The following CBX3 variants were observed in gnomAD, a reference collection of about 807,000 sequenced individuals.
The protein encoded by CBX3 is chromobox protein homolog 3.
CBX3 carries 5 observed loss-of-function variants against 22.6 expected under a neutral mutation model. The observed-to-expected ratio is 0.22, with a 90% CI of 0.12 to 0.47. CBX3 has a LOEUF of 0.47. Ranked by LOEUF, CBX3 falls within the 20% of genes least tolerant of loss-of-function variation. The probability of loss-of-function intolerance (pLI) is 0.99; values close to 1 mark genes in which losing one functional copy is unlikely to be tolerated. For missense variants in CBX3, 83 were observed against 208.1 expected, an observed-to-expected ratio of 0.40 and a Z score of 3.70; for synonymous variants, 50 against 66.6, an observed-to-expected ratio of 0.75 and a Z score of 1.21.
intron 2 of CBX3, chr7:26,205,997 G>A (rs1188031655): frequency 1.8e-5 from 3 of 169,132 alleles, no homozygotes; most frequent in African/African-American, 4.8e-5. Flanking sequence ...GCTGAGGCAT[G>A]AGAACTGCTT....
intron 1 of CBX3, 49 bp from the exon 2 acceptor site, chr7:26,202,922 C>A (rs1322789113): frequency 1.7e-6 from 2 of 1,170,348 alleles, no homozygotes; most frequent in African/African-American, 1.5e-5. Context: ...TATTTAGTTA[C>A]CTTTTTTGTG....
chr7:26,205,322 T>C (rs1171464549), intron 2 of CBX3, among the ~76,000 whole-genome samples: 1 of 152,224 alleles, frequency 6.6e-6, no homozygotes, highest in African/African-American at 2.4e-5. Flanking sequence ...TTAAAGTGAA[T>C]TTGGTTACCA....
intron 1 of CBX3, 153 bp downstream of exon 1, chr7:26,201,979 G>A (rs1784485303): frequency 6.6e-6 from 1 of 151,844 alleles, no homozygotes; most frequent in Non-Finnish European, 1.5e-5. Flanking sequence ...GTCGGGCGGT[G>A]GCCTCGCGGC....
intron 1 of CBX3, 173 bp downstream of exon 1, chr7:26,201,999 G>C (rs1018970963): frequency 6.6e-6 from 1 of 152,074 alleles, no homozygotes; most frequent in Non-Finnish European, 1.5e-5. Flanking sequence ...CTGGCCTGGC[G>C]CGCGGCCAGC....
In CBX3 at chr7:26,202,958, T is replaced by C. The variant is rs142537315; in HGVS notation, c.-28-13T>C. ...TCATGCAAACTTACCTTAACTGTCATGCATTTTTCTAGTAATAGCTCTTCA... is the reference window on the plus strand; with the variant it reads ...TCATGCAAACTTACCTTAACTGTCACGCATTTTTCTAGTAATAGCTCTTCA... On this transcript the variant is annotated splice_polypyrimidine_tract_variant and intron_variant, in intron 1 of 5. Transcript: ENST00000396386. The C allele has an allele frequency of 7.7e-5, 118 of 1,541,306 alleles. No homozygotes were observed. In the East Asian group the frequency reaches 2.6e-3, roughly 35 times the overall value.
Position 26,211,695 on chromosome 7 carries a change from G to C in CBX3, c.364G>C (p.Asp122His). The C allele has an allele frequency of 6.2e-7, 1 of 1,611,190 alleles. No individual in the cohort carries two copies. Among genetic ancestry groups the C allele is most frequent in the Non-Finnish European group, 8.5e-7 (1 of 1,178,780 alleles). ...ACCAAGAGGATTTGCCAGAGGTCTT[G>C]ATCCTGAAAGAATAATTGGTGCCAC... Reference protein sequence around the residue: ...DKPRGFARGLDPERIIGATDS... With the variant: ...DKPRGFARGLHPERIIGATDS... Residue 122 changes from aspartate (D) to histidine (H), a missense_variant, in exon 5 of 6, where the codon GAT becomes CAT. By Grantham distance (81) the Asp-to-His change is moderately conservative (BLOSUM62 -1). Around this residue, in one of 3 missense-constraint regions of CBX3, gnomAD observed 59 missense variants for 155.0 expected, o/e 0.38. Coordinates refer to ENST00000396386, the MANE Select transcript of CBX3 (RefSeq NM_016587.4).
intron 1 of CBX3, chr7:26,202,228 G>T (rs1463675333): frequency 1.3e-5 from 2 of 152,070 alleles, no homozygotes; most frequent in African/African-American, 4.8e-5. Context: ...GGCGGCGCGC[G>T]GCCGGCTGTC....
rs188703145 is a variant in CBX3, at chr7:26,202,584, G to A, written c.-28-387G>A. The A allele has an allele frequency of 1.2e-3, 216 of 182,710 alleles. 1 individual carries two copies. The highest frequency in any genetic ancestry group is 5.0e-3 in the African/African-American group (211 of 42,154). 11.3% of individuals were successfully genotyped at this position (182,710 alleles called of 1,614,324 possible). A position where few individuals can be genotyped will look rare whatever the true frequency, so the allele number is the denominator to read the frequency against. ...GAAACCAAGTTGGGATTGCAGAACA[G>A]AGAAGATTCACAGTGCTTTACCGTT... On this transcript the variant is annotated intron_variant, in intron 1 of 5. Coordinates refer to ENST00000396386, the MANE Select transcript of CBX3 (RefSeq NM_016587.4).
intron 5 of CBX3, 41 bp downstream of exon 5, chr7:26,211,797 CT>C (rs759293919): frequency 0.049 from 51,366 of 1,039,160 alleles, no homozygotes; most frequent in South Asian, 0.071. Flanking sequence ...GTAAGAGTAG[CT>C]TTTTTTTTTT....
At chr7:26,210,300 A>G (rs1340246655) in intron 4 of CBX3, 2 of 152,262 alleles carry the variant, frequency 1.3e-5, no homozygotes, top group Non-Finnish European at 2.9e-5. Flanking sequence ...TCAAAAAATT[A>G]TTAAATAATA....
At chr7:26,208,601 T>A (rs377228409) in intron 4 of CBX3, 46 bp downstream of exon 4, 9 of 1,505,448 alleles carry the variant, frequency 6.0e-6, no homozygotes, top group Non-Finnish European at 8.2e-6. Context: ...TGTAAAAGGT[T>A]GATGGCTTGA....
chr7:26,203,182 T>C (rs1323468329), intron 2 of CBX3, among the ~76,000 whole-genome samples, 160 bp downstream of exon 2: 2 of 152,180 alleles, frequency 1.3e-5, no homozygotes, highest in Non-Finnish European at 2.9e-5. Context: ...ACGAATTCAT[T>C]ACAGGGAGAT....
intron 2 of CBX3, 72 bp downstream of exon 2, chr7:26,203,094 T>A: frequency 2.2e-6 from 2 of 927,260 alleles, no homozygotes; most frequent in Admixed American, 4.9e-5. Context: ...TAACTTTGCA[T>A]CTCTGTGGCT....
intron 3 of CBX3, among the ~76,000 whole-genome samples, chr7:26,207,357 G>A (rs1358256738): frequency 1.3e-5 from 2 of 152,058 alleles, no homozygotes; most frequent in African/African-American, 2.4e-5. Context: ...AGTATGTGTC[G>A]TAAGTCCCTT....
intron 5 of CBX3, 25 bp from the exon 6 acceptor site, chr7:26,212,057 T>A (rs1784811509): frequency 1.4e-6 from 2 of 1,467,070 alleles, no homozygotes; most frequent in South Asian, 2.9e-5. Context: ...GACTTGTAAC[T>A]GAATTTTTCT....
At chr7:26,202,875 G>T (rs758938908) in intron 1 of CBX3, 96 bp from the exon 2 acceptor site, 3 of 739,872 alleles carry the variant, frequency 4.1e-6, no homozygotes, top group East Asian at 5.7e-5. Context: ...TGAAATGTGC[G>T]CTCTCTACTT....
intron 1 of CBX3, chr7:26,202,768 A>G: frequency 3.7e-6 from 2 of 534,260 alleles, no homozygotes; most frequent in Non-Finnish European, 6.5e-6. Flanking sequence ...ATCCCCAGTA[A>G]AGTCTTTCTA....
intron 3 of CBX3, chr7:26,208,048 TAAA>T (rs571628520): frequency 5.6e-5 from 8 of 142,558 alleles, no homozygotes; most frequent in Non-Finnish European, 9.1e-5. Context: ...CCTTCTCTAT[TAAA>T]AAAAAAAAAA....
chr7:26,203,593 G>A (rs1784602842), intron 2 of CBX3, among the ~76,000 whole-genome samples: 2 of 152,046 alleles, frequency 1.3e-5, no homozygotes, highest in Admixed American at 6.6e-5. Context: ...GAGCCAGAAG[G>A]GAGAAAAGGC....
Sources: allele counts gnomAD v4.1 joint callset (sites outside exome capture counted in the v4.1 genomes callset), GRCh38; gene constraint gnomAD v4.1.1; regional missense constraint gnomAD v4.1.1; transcripts MANE v1.5; gene names NCBI Gene and HGNC (gene_info 2026-07-23, HGNC 2026-07-21).